Variants in PDZD2 observed in about 807,000 individuals in gnomAD.
PDZD2 encodes the protein PDZ domain containing 2.
A neutral mutation model predicts 220.7 loss-of-function variants in PDZD2; 90 were observed. The ratio of observed to expected loss-of-function variants is 0.41; its 90% CI spans 0.34 to 0.49. The LOEUF is 0.49. Ranked by LOEUF, PDZD2 falls within the 20% of genes least tolerant of loss-of-function variation. PDZD2 has a pLI of 0.28. For missense variants in PDZD2, 3,174 were observed against 3,608.5 expected (o/e 0.88, Z 3.08); for synonymous variants, 1,375 against 1,450.5 (o/e 0.95, Z 1.18).
intron 6 of PDZD2, among the ~76,000 whole-genome samples, chr5:32,015,444 G>T (rs1035949987): frequency 1.3e-5 from 2 of 151,860 alleles, no homozygotes; most frequent in African/African-American, 2.4e-5. Flanking sequence ...TAGGGATGGG[G>T]CGTCACTATG....
At chr5:31,652,863 G>A (rs1745404147) in intron 1 of PDZD2, among the ~76,000 whole-genome samples, 1 of 152,102 alleles carries the variant, frequency 6.6e-6, no homozygotes, top group Admixed American at 6.5e-5. Flanking sequence ...ATACAGAAAA[G>A]TAGCTGGGCA....
intron 1 of PDZD2, among the ~76,000 whole-genome samples, chr5:31,789,691 G>A (rs1753588250): frequency 6.6e-6 from 1 of 152,236 alleles, no homozygotes; most frequent in African/African-American, 2.4e-5. Flanking sequence ...CACTTTGGGA[G>A]GCCGAGGCAT....
Position 32,097,504 on chromosome 5 carries a change from A to G in PDZD2, c.7947+124A>G, listed in dbSNP as rs1382243854. The stretch of plus-strand genomic sequence containing the variant: ...CTGGATTTCATTCCCAGCTACCAAC[A>G]TAAAAAGGGAGAAGTGGGAGAAGTA... On this transcript the variant is annotated intron_variant, in intron 22 of 24. Transcript: ENST00000438447. 4 of 690,778 alleles carry G rather than the reference A, an allele frequency of 5.8e-6. No individual in the cohort carries two copies. The African/African-American group carries it at 7.2e-5, about 12-fold the overall frequency. 42.8% of individuals were successfully genotyped at this position (690,778 alleles called of 1,614,324 possible). A position where few individuals can be genotyped will look rare whatever the true frequency, so the allele number is the denominator to read the frequency against.
rs189457459 is a variant in PDZD2, at chr5:31,836,729, A to T, written c.476+37005A>T. ...CATCTGTCCAGGATTAGTAAAATAA[A>T]TTATGTAGGCTGGGCGAGGTGGTTT... On this transcript the variant is annotated intron_variant, in intron 2 of 24. Transcript: ENST00000438447. Among the ~76,000 whole-genome samples, 535 of 152,256 alleles carry T rather than the reference A, an allele frequency of 3.5e-3. 1 individual carries two copies. The highest frequency in any genetic ancestry group is 9.4e-3 in the Admixed American group (144 of 15,270).
intron 2 of PDZD2, among the ~76,000 whole-genome samples, chr5:31,912,320 C>G (rs1270896449): frequency 6.6e-6 from 1 of 152,062 alleles, no homozygotes; most frequent in East Asian, 1.9e-4. Flanking sequence ...TTCATAAGGA[C>G]ACTAATCCCA....
intron 7 of PDZD2, 118 bp from the exon 8 acceptor site, chr5:32,048,421 C>A: frequency 2.6e-6 from 2 of 782,316 alleles, no homozygotes; most frequent in Non-Finnish European, 2.1e-6. Context: ...GTGTATTGGA[C>A]GCTAGGCTTC....
chr5:31,920,923 C>T (rs561388915), intron 2 of PDZD2, among the ~76,000 whole-genome samples: 7 of 152,298 alleles, frequency 4.6e-5, no homozygotes, highest in Admixed American at 2.0e-4. Flanking sequence ...TTTAAGTTTC[C>T]TTCATGTCTT....
At chr5:31,681,352 T>A (rs2150123268) in intron 1 of PDZD2, among the ~76,000 whole-genome samples, 1 of 152,232 alleles carries the variant, frequency 6.6e-6, no homozygotes, top group Non-Finnish European at 1.5e-5. Context: ...GTTCAAGCAA[T>A]TCTCATGCCT....
intron 2 of PDZD2, among the ~76,000 whole-genome samples, chr5:31,810,339 T>C (rs1012667196): frequency 1.3e-5 from 2 of 150,732 alleles, no homozygotes; most frequent in Non-Finnish European, 2.9e-5. Flanking sequence ...CTCCGCTCAC[T>C]GCAACCTCCG....
rs141948270 is a variant in PDZD2 at position 32,051,694 on chromosome 5, T to C, written c.1666-917T>C. Reference sequence around the variant, plus strand: ...GATGGACACAAAAAAGGGGTGAGATTGGAGCTGCTGCGTGTCAGGAAGGGA... The same window carrying C: ...GATGGACACAAAAAAGGGGTGAGATCGGAGCTGCTGCGTGTCAGGAAGGGA... On this transcript the variant is annotated intron_variant, in intron 8 of 24. Transcript: ENST00000438447. Among the ~76,000 whole-genome samples, 616 of 152,178 alleles carry C rather than the reference T, an allele frequency of 4.0e-3. 4 individuals are homozygous for C. Among genetic ancestry groups the C allele is most frequent in the African/African-American group, 0.014 (587 of 41,534 alleles).
chr5:31,994,433 G>T (rs1751475523), intron 3 of PDZD2, among the ~76,000 whole-genome samples: 1 of 151,982 alleles, frequency 6.6e-6, no homozygotes, highest in Non-Finnish European at 1.5e-5. Context: ...TTTTGTTTTG[G>T]TTTCTCTACC....
chr5:31,998,031 C>T (rs1215694866), intron 4 of PDZD2, among the ~76,000 whole-genome samples: 5 of 152,020 alleles, frequency 3.3e-5, no homozygotes, highest in African/African-American at 7.2e-5. Context: ...TTAGTAGAGA[C>T]GGGGTTTCAC....
At chr5:31,943,993 T>G (rs1474123426) in intron 2 of PDZD2, among the ~76,000 whole-genome samples, 5 of 152,210 alleles carry the variant, frequency 3.3e-5, no homozygotes, top group Non-Finnish European at 7.3e-5. Context: ...AATCCCAATA[T>G]CATCTACAGT....
chr5:31,892,801 G>A (rs1282384159), intron 2 of PDZD2, among the ~76,000 whole-genome samples: 5 of 110,232 alleles, frequency 4.5e-5, no homozygotes, highest in Non-Finnish European at 9.5e-5. Flanking sequence ...GAACTTCTGG[G>A]CTCCAGCAGT....
At chr5:31,683,136 CA>C (rs1746714183) in intron 1 of PDZD2, among the ~76,000 whole-genome samples, 1 of 147,918 alleles carries the variant, frequency 6.8e-6, no homozygotes, top group African/African-American at 2.5e-5. Context: ...GCAACTTTTA[CA>C]GCTTGGCTTT....
At chr5:31,738,213 A>G (rs1472485494) in intron 1 of PDZD2, 1 of 152,070 alleles carries the variant, frequency 6.6e-6, no homozygotes, top group African/African-American at 2.4e-5. Flanking sequence ...CTTTCTCACA[A>G]CTGCCCAGTC....
At chr5:31,708,304 T>G (rs1747923941) in intron 1 of PDZD2, among the ~76,000 whole-genome samples, 1 of 152,224 alleles carries the variant, frequency 6.6e-6, no homozygotes, top group African/African-American at 2.4e-5. Context: ...CAGTGGTCAC[T>G]GCATACCCCT....
chr5:31,878,629 G>T (rs1217678516), intron 2 of PDZD2, among the ~76,000 whole-genome samples: 1 of 132,842 alleles, frequency 7.5e-6, no homozygotes, highest in Non-Finnish European at 1.5e-5. Flanking sequence ...GCGCGATCTC[G>T]GCTCACTGCA....
intron 6 of PDZD2, among the ~76,000 whole-genome samples, chr5:32,036,880 T>C (rs1755602041): frequency 6.6e-6 from 1 of 152,236 alleles, no homozygotes; most frequent in African/African-American, 2.4e-5. Flanking sequence ...CGTTGACCAC[T>C]GGGAGACCAC....
Sources: gnomAD v4.1 joint callset for allele counts (sites outside exome capture counted in the v4.1 genomes callset) on GRCh38, gnomAD v4.1.1 for gene constraint, MANE v1.5 for transcripts, NCBI Gene and HGNC (gene_info 2026-07-23, HGNC 2026-07-21) for gene names.